The following GRID1 variants were observed in gnomAD, a reference collection of about 807,000 sequenced individuals.
GRID1 encodes glutamate receptor ionotropic, delta-1.
In GRID1, 28 loss-of-function variants were observed where a neutral mutation model predicts 98.0. The observed-to-expected ratio is 0.29, with a 90% confidence interval of 0.21 to 0.39. The LOEUF is 0.39. GRID1 is among the 10% of genes least tolerant of loss of function. The probability of loss-of-function intolerance (pLI) is 1.00; values close to 1 mark genes in which losing one functional copy is unlikely to be tolerated. For missense variants in GRID1, 1,111 were observed against 1,340.5 expected, an observed-to-expected ratio of 0.83 and a Z score of 2.67; for synonymous variants, 553 against 538.5, an observed-to-expected ratio of 1.03 and a Z score of -0.37.
intron 4 of GRID1, among the ~76,000 whole-genome samples, chr10:86,049,775 C>A (rs1256473821): frequency 6.6e-6 from 1 of 152,236 alleles, no homozygotes; most frequent in African/African-American, 2.4e-5. Flanking sequence ...ATAACCTCCT[C>A]TTGGAGACAT....
chr10:86,177,925 C>T lies in GRID1; in HGVS notation c.520+28439G>A, dbSNP rs150138181. Reference sequence around the variant, plus strand: ...TATGTGTGTAAAAGAGACGGAGAGACAGTGAGACAAAGAGATCCCAGTCCA... The same window carrying T: ...TATGTGTGTAAAAGAGACGGAGAGATAGTGAGACAAAGAGATCCCAGTCCA... On this transcript the variant is annotated intron_variant, in intron 3 of 15. Coordinates refer to ENST00000327946, the MANE Select transcript of GRID1 (RefSeq NM_017551.3). 7.9e-5 allele frequency among the ~76,000 whole-genome samples: 12 copies of T among 152,268 alleles called. No homozygotes were observed. In the East Asian group the frequency reaches 2.1e-3, roughly 27 times the overall value.
chr10:85,776,321 G>A (rs923622639), intron 8 of GRID1, among the ~76,000 whole-genome samples: 4 of 152,198 alleles, frequency 2.6e-5, no homozygotes, highest in Non-Finnish European at 4.4e-5. Flanking sequence ...AGGGACAGAA[G>A]TGAGGCTCAG....
intron 8 of GRID1, among the ~76,000 whole-genome samples, chr10:85,734,959 G>C (rs373221044): frequency 3.3e-5 from 5 of 152,128 alleles, no homozygotes; most frequent in African/African-American, 1.2e-4. Flanking sequence ...ATCCTGAGGG[G>C]GTCTGGCGCT....
intron 8 of GRID1, among the ~76,000 whole-genome samples, chr10:85,805,236 A>G (rs1842613111): frequency 6.6e-6 from 1 of 151,690 alleles, no homozygotes; most frequent in Non-Finnish European, 1.5e-5. Context: ...TGAAAAATGA[A>G]ATTTAAAACA....
At chr10:86,063,820 T>C (rs1349472484) in intron 4 of GRID1, among the ~76,000 whole-genome samples, 1 of 152,182 alleles carries the variant, frequency 6.6e-6, no homozygotes, top group Non-Finnish European at 1.5e-5. Flanking sequence ...CAGGGGCCTG[T>C]TTTTATAAAT....
chr10:85,610,779 A>G (rs902371845), intron 15 of GRID1, among the ~76,000 whole-genome samples: 3 of 152,176 alleles, frequency 2.0e-5, no homozygotes, highest in Non-Finnish European at 2.9e-5. Flanking sequence ...AGAAAGGGAG[A>G]GAGGGAAGAA....
At chr10:86,095,235 C>T (rs1329480297) in intron 4 of GRID1, among the ~76,000 whole-genome samples, 1 of 152,144 alleles carries the variant, frequency 6.6e-6, no homozygotes, top group African/African-American at 2.4e-5. Context: ...AACCTAAGAC[C>T]TGAAACTATA....
intron 4 of GRID1, among the ~76,000 whole-genome samples, chr10:86,001,374 TCTCA>T (rs1842800613): frequency 1.3e-5 from 2 of 152,012 alleles, no homozygotes; most frequent in African/African-American, 4.8e-5. Context: ...CCCCATCAAT[TCTCA>T]CTCAGTCTCT....
intron 4 of GRID1, among the ~76,000 whole-genome samples, chr10:85,956,825 G>T (rs1427129274): frequency 6.6e-6 from 1 of 152,222 alleles, no homozygotes; most frequent in Non-Finnish European, 1.5e-5. Flanking sequence ...TCTAATTAAA[G>T]TTGGGGAACT....
At chr10:86,066,263 G>A (rs991028512) in intron 4 of GRID1, among the ~76,000 whole-genome samples, 5 of 152,108 alleles carry the variant, frequency 3.3e-5, no homozygotes, top group African/African-American at 4.8e-5. Flanking sequence ...CGGTGGCTCC[G>A]ACCCAAGGAC....
chr10:85,712,668 T>C, intron 12 of GRID1, among the ~76,000 whole-genome samples: 1 of 151,896 alleles, frequency 6.6e-6, no homozygotes, highest in Non-Finnish European at 1.5e-5. Context: ...TATTACCTGT[T>C]AGACCACAAA....
chr10:86,310,089 G>A (rs1412039122), intron 2 of GRID1, among the ~76,000 whole-genome samples: 1 of 152,204 alleles, frequency 6.6e-6, no homozygotes, highest in African/African-American at 2.4e-5. Flanking sequence ...GCTGTTTGCT[G>A]AGCCAGAATC....
chr10:85,896,689 C>A (rs915151611), intron 5 of GRID1, among the ~76,000 whole-genome samples: 1 of 152,094 alleles, frequency 6.6e-6, no homozygotes, highest in African/African-American at 2.4e-5. Flanking sequence ...TGCAGTGCAC[C>A]TTTTTATCTA....
chr10:86,072,538 G>A (rs1486893708), intron 4 of GRID1, among the ~76,000 whole-genome samples: 7 of 152,076 alleles, frequency 4.6e-5, no homozygotes, highest in South Asian at 2.1e-4. Context: ...ATACAGATAC[G>A]TTTTCAGTAG....
chr10:85,782,407 T>C (rs1842389611), intron 8 of GRID1, among the ~76,000 whole-genome samples: 1 of 152,192 alleles, frequency 6.6e-6, no homozygotes, highest in Non-Finnish European at 1.5e-5. Flanking sequence ...CAACAAATGT[T>C]TATTGAGCAT....
At chr10:86,361,972 C>T (rs769507645) in intron 2 of GRID1, among the ~76,000 whole-genome samples, 3 of 152,222 alleles carry the variant, frequency 2.0e-5, no homozygotes, top group Non-Finnish European at 4.4e-5. Context: ...CCCTGGGGAA[C>T]TGCTGATGGG....
At chr10:85,890,274 T>G (rs927866157) in intron 5 of GRID1, among the ~76,000 whole-genome samples, 3 of 152,064 alleles carry the variant, frequency 2.0e-5, no homozygotes, top group Admixed American at 2.0e-4. Context: ...TATTTCATAA[T>G]AGCTAGAAGA....
chr10:85,631,260 C>T (rs753108109), intron 13 of GRID1, among the ~76,000 whole-genome samples: 4 of 152,218 alleles, frequency 2.6e-5, no homozygotes, highest in Non-Finnish European at 5.9e-5. Flanking sequence ...AATTGCCTTC[C>T]TCTCTGTCAC....
chr10:85,783,500 G>A (rs189954904), intron 8 of GRID1, among the ~76,000 whole-genome samples: 20 of 152,288 alleles, frequency 1.3e-4, no homozygotes, highest in Admixed American at 8.5e-4. Flanking sequence ...CAGGACTGTC[G>A]TGGCATTGCC....
Sources: gnomAD v4.1 joint callset for allele counts (sites outside exome capture counted in the v4.1 genomes callset) on GRCh38, gnomAD v4.1.1 for gene constraint, MANE v1.5 for transcripts, NCBI Gene and HGNC (gene_info 2026-07-23, HGNC 2026-07-21) for gene names.